Variants in SLC34A1 observed in about 807,000 individuals in gnomAD.
SLC34A1 encodes the protein solute carrier family 34 member 1, also known as sodium-dependent phosphate transport protein 2A.
In SLC34A1, 57 loss-of-function variants were observed where a neutral mutation model predicts 51.4. The ratio of observed to expected loss-of-function variants is 1.11; its 90% CI spans 0.90 to 1.38. The LOEUF (loss-of-function observed/expected upper bound fraction) is 1.38. Among genes scored for constraint, SLC34A1 ranks in the 40% most tolerant of loss-of-function variants. The probability of loss-of-function intolerance (pLI) is 0.00; values close to 1 mark genes in which losing one functional copy is unlikely to be tolerated. For synonymous variants in SLC34A1, 368 were observed against 358.0 expected (o/e 1.03, Z -0.32); for missense variants, 796 against 835.6 (o/e 0.95, Z 0.58).
chr5:177,387,182 A>G lies in SLC34A1; in HGVS notation c.533-580A>G, dbSNP rs561744852. Among the ~76,000 whole-genome samples, 3 of 151,820 alleles carry G rather than the reference A, an allele frequency of 2.0e-5. No homozygotes were observed. The South Asian group carries it at 6.2e-4, about 32-fold the overall frequency. ...TCAGTAGATCGAGACCACCCTGGCT[A>G]ACACGGTGAAACCCTGTCTCTACTA... On this transcript the variant is annotated intron_variant, in intron 5 of 12. Transcript: ENST00000324417.
rs776865473 is a variant in SLC34A1, at chr5:177,388,186, C to T, written c.837C>T (p.Ile279=). 8.1e-6 allele frequency: 13 copies of T among 1,614,112 alleles called. 1 individual carries two copies. Among genetic ancestry groups the T allele is most frequent in the Non-Finnish European group, 1.1e-5 (13 of 1,180,020 alleles). The change falls in exon 7 of 13, where the codon ATC becomes ATT. Residue 279 remains isoleucine, a synonymous_variant. Coordinates refer to ENST00000324417, the MANE Select transcript of SLC34A1 (RefSeq NM_003052.5). This position sits in a 1 kb window ranked among gnomAD's most constrained non-coding sequence, Gnocchi z 4.3. ...IITEPFTKLI[I]QLDESVITSI... is the part of the protein sequence containing the mutation. ...CAGAGCCCTTCACGAAGCTCATCAT[C>T]CAGGTGACAGCAGGGCCTGGCATGG...
In SLC34A1 at chr5:177,387,807, T is replaced by G. The variant is rs776548884; in HGVS notation, c.578T>G (p.Ile193Ser). 1 of 1,610,000 alleles carries G rather than the reference T, an allele frequency of 6.2e-7. No individual in the cohort carries two copies. The highest frequency in any genetic ancestry group is 1.1e-5 in the South Asian group (1 of 90,916). Residue 193 changes from isoleucine (I) to serine (S), a missense_variant, in exon 6 of 13, where the codon ATC becomes AGC. Transcript: ENST00000324417. ...ATCCCCATCATCATGGGCTCCAACA[T>G]CGGCACCTCTGTCACCAACACCATC... ...SAIPIIMGSN[I>S]GTSVTNTIVA...
chr5:177,398,668 C>T lies in SLC34A1; in HGVS notation c.*382C>T, dbSNP rs1763050464. The T allele has an allele frequency of 3.2e-6, 1 of 313,848 alleles. No homozygotes were observed. The highest frequency in any genetic ancestry group is 6.2e-6 in the Non-Finnish European group (1 of 162,524). The allele number at this position is 313,848 out of a possible 1,614,324, so 19.4% of individuals were successfully genotyped here. ...TGGGTCTGGGTATATGACTGTGCAG[C>T]TGTTTGTGCATAGATGTTGGTGCCT... On this transcript the variant is annotated 3_prime_UTR_variant, in exon 13 of 13. Transcript: ENST00000324417. This position sits in a 1 kb window ranked among gnomAD's most constrained non-coding sequence, Gnocchi z 4.7.
At position 177,388,418 on chromosome 5, in the gene SLC34A1, C is replaced by T. The variant is rs779877735; in HGVS notation, c.936+46C>T. 6.8e-7 allele frequency: 1 copy of T among 1,472,646 alleles called. No homozygotes were observed. The highest frequency in any genetic ancestry group is 9.5e-7 in the Non-Finnish European group (1 of 1,052,082). The allele number at this position is 1,472,646 out of a possible 1,614,324, so 91.2% of individuals were successfully genotyped here. On this transcript the variant is annotated intron_variant, in intron 8 of 12. Transcript: ENST00000324417. The surrounding 1 kb of genome is among the most constrained non-coding windows in gnomAD (Gnocchi z 4.3). ...CAGGTAAGAGGACTCCCTCTTCAGA[C>T]TCTTGGTTTCATTGTCTGTTCAAAA...
intron 1 of SLC34A1, among the ~76,000 whole-genome samples, chr5:177,385,139 G>GT (rs1277219561): frequency 6.6e-6 from 1 of 152,148 alleles, no homozygotes; most frequent in African/African-American, 2.4e-5. Flanking sequence ...GGGGATCTCC[G>GT]TGTGTGCCCA....
chr5:177,387,639 C>T (rs1762633832), intron 5 of SLC34A1, 123 bp from the exon 6 acceptor site: 2 of 830,912 alleles, frequency 2.4e-6, no homozygotes, highest in South Asian at 1.4e-5. Flanking sequence ...GTTAGGCAGA[C>T]TCAGCAGCAT....
rs377296654 is a variant in SLC34A1, at chr5:177,387,789, T to C, written c.560T>C (p.Ile187Thr). 6.2e-7 allele frequency: 1 copy of C among 1,613,306 alleles called. No homozygotes were observed. Among genetic ancestry groups the C allele is most frequent in the East Asian group, 2.2e-5 (1 of 44,850 alleles). The change falls in exon 6 of 13, where the codon ATC (isoleucine) becomes ACC (threonine). Residue 187 changes from isoleucine to threonine, a missense_variant. By Grantham distance (89) the Ile-to-Thr change is moderately conservative. Coordinates refer to ENST00000324417, the MANE Select transcript of SLC34A1 (RefSeq NM_003052.5). Reference protein sequence around the residue: ...GLLEVSSAIPIIMGSNIGTSV... With the variant: ...GLLEVSSAIPTIMGSNIGTSV... The stretch of plus-strand genomic sequence containing the variant: ...CTGGAGGTGAGCTCTGCCATCCCCA[T>C]CATCATGGGCTCCAACATCGGCACC...
rs200522178 is a variant in SLC34A1, at chr5:177,385,727, T to C, written c.-15T>C. On this transcript the variant is annotated 5_prime_UTR_variant, in exon 2 of 13. Transcript: ENST00000324417. ...GAGACCCACTGACCTGCAGACCTCA[T>C]AGTGGGTGCCCAGGATGTTGTCCTA... 1.6e-4 allele frequency: 249 copies of C among 1,598,264 alleles called. No individual in the cohort carries two copies. In the African/African-American group the frequency reaches 2.7e-3, roughly 17 times the overall value.
At chr5:177,397,111 G>A (rs1206796659) in intron 12 of SLC34A1, 37 bp downstream of exon 12, 1 of 1,606,356 alleles carries the variant, frequency 6.2e-7, no homozygotes, top group Non-Finnish European at 8.5e-7. Flanking sequence ...GGGCAGGATG[G>A]AGCTGCCTCT....
chr5:177,395,776 G>A (rs1419046317), intron 10 of SLC34A1, among the ~76,000 whole-genome samples: 1 of 152,164 alleles, frequency 6.6e-6, no homozygotes, highest in East Asian at 1.9e-4. Context: ...TGGGATTACA[G>A]GTGTGCACCG....
At chr5:177,397,384 G>A (rs995406551) in intron 12 of SLC34A1, 3 of 494,482 alleles carry the variant, frequency 6.1e-6, no homozygotes, top group South Asian at 4.2e-5. Context: ...CATTGCGGGG[G>A]TCAAGGCCGC....
Position 177,386,918 on chromosome 5 carries a change from T to C in SLC34A1, c.532+352T>C, listed in dbSNP as rs1762595861. On this transcript the variant is annotated intron_variant, in intron 5 of 12. Coordinates refer to ENST00000324417, the MANE Select transcript of SLC34A1 (RefSeq NM_003052.5). The surrounding 1 kb of genome is among the most constrained non-coding windows in gnomAD (Gnocchi z 4.8). ...GTTCTGCTTGAGGCCTTTCATTCTA[T>C]TGGATTAGGCTGACCCAGGTTACCA... 6.6e-6 allele frequency among the ~76,000 whole-genome samples: 1 copy of C among 152,002 alleles called. No individual in the cohort carries two copies. Among genetic ancestry groups the C allele is most frequent in the Non-Finnish European group, 1.5e-5 (1 of 67,994 alleles).
chr5:177,385,666 G>A (rs1394961827), intron 1 of SLC34A1, 29 bp from the exon 2 acceptor site: 7 of 1,056,806 alleles, frequency 6.6e-6, no homozygotes, highest in Non-Finnish European at 1.0e-5. Context: ...GTGGGCATGA[G>A]TGTCCCGGAC....
chr5:177,385,056 A>G (rs887101517), intron 1 of SLC34A1, among the ~76,000 whole-genome samples: 3 of 152,080 alleles, frequency 2.0e-5, no homozygotes, highest in African/African-American at 7.2e-5. Context: ...GTGTTTGTTC[A>G]TTGCCCCTTG....
chr5:177,397,462 G>C, intron 12 of SLC34A1: 1 of 516,894 alleles, frequency 1.9e-6, no homozygotes, highest in Non-Finnish European at 3.5e-6. Context: ...GACTGAATGA[G>C]GGTCCAGAAA....
Position 177,396,510 on chromosome 5 carries a change from G to A in SLC34A1, c.1175-223G>A, listed in dbSNP as rs1762968094. Among the ~76,000 whole-genome samples, 3 of 121,902 alleles carry A rather than the reference G, an allele frequency of 2.5e-5. No individual in the cohort carries two copies. The highest frequency in any genetic ancestry group is 2.4e-4 in the Admixed American group (3 of 12,474). 80.0% of individuals were successfully genotyped at this position (121,902 alleles called of 152,430 possible). A position where few individuals can be genotyped will look rare whatever the true frequency, so the allele number is the denominator to read the frequency against. On this transcript the variant is annotated intron_variant, in intron 10 of 12. Coordinates refer to ENST00000324417, the MANE Select transcript of SLC34A1 (RefSeq NM_003052.5). This position sits in a 1 kb window ranked among gnomAD's most constrained non-coding sequence, Gnocchi z 4.0. ...TCCTCTCTCCCAGTGCCCCCGCGGA[G>A]GTCCTCTCTCCCAGTGCCCCCGCGG...
rs754966307 is a variant in SLC34A1, at chr5:177,386,555, T to C, written c.521T>C (p.Val174Ala). The C allele has an allele frequency of 6.2e-7, 1 of 1,614,018 alleles. No individual in the cohort carries two copies. The highest frequency in any genetic ancestry group is 1.1e-5 in the South Asian group (1 of 91,068). Residue 174 changes from valine (V) to alanine (A), a missense_variant, in exon 5 of 13, where the codon GTC (valine) becomes GCC (alanine). Val to Ala is a moderately conservative substitution (Grantham distance 64). Coordinates refer to ENST00000324417, the MANE Select transcript of SLC34A1 (RefSeq NM_003052.5). The surrounding 1 kb of genome is among the most constrained non-coding windows in gnomAD (Gnocchi z 4.8). ...STSTSIIVSM[V>A]SSGLLEVSSA... ...TCCACATCCATCATCGTCAGCATGG[T>C]CTCCTCTGGCTGTGAGTTGGCCCAC...
At position 177,388,150 on chromosome 5, in the gene SLC34A1, C is replaced by G; in HGVS notation, c.801C>G (p.Leu267=). 1.2e-6 allele frequency: 2 copies of G among 1,614,150 alleles called. No individual in the cohort carries two copies. The highest frequency in any genetic ancestry group is 1.7e-6 in the Non-Finnish European group (2 of 1,180,014). ...GTGGCCGTGATGCTCCTGACCTGCT[C>G]AAGATCATCACAGAGCCCTTCACGA... ...IHGGRDAPDL[L]KIITEPFTKL... is the part of the protein sequence containing the mutation. Residue 267 remains leucine (L), a synonymous_variant, in exon 7 of 13, where the codon CTC becomes CTG. Transcript: ENST00000324417. This position sits in a 1 kb window ranked among gnomAD's most constrained non-coding sequence, Gnocchi z 4.3.
Position 177,396,623 on chromosome 5 carries a change from G to T in SLC34A1, c.1175-110G>T, listed in dbSNP as rs9686789. ...TCTCCCAGTGCCCCCGCGGAGATCC[G>T]CTCTCCCAGTGCCCCCGCGGAGGTC... is the stretch of plus-strand genomic sequence containing the variant. On this transcript the variant is annotated intron_variant, in intron 10 of 12. Coordinates refer to ENST00000324417, the MANE Select transcript of SLC34A1 (RefSeq NM_003052.5). The surrounding 1 kb of genome is among the most constrained non-coding windows in gnomAD (Gnocchi z 4.0). 11 of 750,632 alleles carry T rather than the reference G, an allele frequency of 1.5e-5. No homozygotes were observed. The African/African-American group carries it at 2.1e-4, about 14-fold the overall frequency. The allele number at this position is 750,632 out of a possible 1,614,324, so 46.5% of individuals were successfully genotyped here.
Sources: allele counts gnomAD v4.1 joint callset (sites outside exome capture counted in the v4.1 genomes callset), GRCh38; gene constraint gnomAD v4.1.1; non-coding constraint Gnocchi (gnomAD v3.1); transcripts MANE v1.5; gene names NCBI Gene and HGNC (gene_info 2026-07-23, HGNC 2026-07-21).